Variants in COL19A1 observed in about 807,000 individuals in gnomAD.
The protein encoded by COL19A1 is collagen type XIX alpha 1 chain, also known as collagen alpha-1(XIX) chain.
In COL19A1, 159 loss-of-function variants were observed where a neutral mutation model predicts 190.2. The observed-to-expected ratio is 0.84, with a 90% CI of 0.73 to 0.95. The LOEUF is 0.95. Among genes scored for constraint, COL19A1 ranks in the 40% least tolerant of loss-of-function variants. The pLI, the probability that COL19A1 is intolerant of heterozygous loss-of-function variation, is 0.00. For missense variants in COL19A1, 1,418 were observed against 1,431.9 expected, an observed-to-expected ratio of 0.99 and a Z score of 0.16; for synonymous variants, 509 against 458.9, an observed-to-expected ratio of 1.11 and a Z score of -1.39.
At position 70,023,811 on chromosome 6, in the gene COL19A1, T is replaced by C. The variant is rs777929761; in HGVS notation, c.1080+131T>C. ...GATCCAACAAAATTAAGAATCATGG[T>C]GTTCTTTCACATGGCTCAGTAGAGG... On this transcript the variant is annotated intron_variant, in intron 12 of 50. Coordinates refer to ENST00000620364, the MANE Select transcript of COL19A1 (RefSeq NM_001858.6). The C allele has an allele frequency of 3.9e-4, 289 of 738,918 alleles. 1 individual carries two copies. Among genetic ancestry groups the C allele is most frequent in the South Asian group, 5.6e-4 (27 of 48,454 alleles). 45.8% of individuals were successfully genotyped at this position (738,918 alleles called of 1,614,324 possible).
chr6:69,949,408 G>A (rs990490845), intron 9 of COL19A1, among the ~76,000 whole-genome samples: 1 of 151,678 alleles, frequency 6.6e-6, no homozygotes, highest in African/African-American at 2.4e-5. Flanking sequence ...GTGTTTTCTC[G>A]CTTCTATAAT....
intron 11 of COL19A1, among the ~76,000 whole-genome samples, chr6:69,970,596 A>T (rs1482424574): frequency 6.6e-6 from 1 of 152,214 alleles, no homozygotes; most frequent in African/African-American, 2.4e-5. Flanking sequence ...AACTAATGCA[A>T]GTATGTTAAA....
At chr6:69,928,516 A>G (rs1001061630) in intron 5 of COL19A1, among the ~76,000 whole-genome samples, 1 of 152,192 alleles carries the variant, frequency 6.6e-6, no homozygotes, top group South Asian at 2.1e-4. Context: ...AAGAAAAGAG[A>G]TCTGAAAAAC....
At chr6:69,876,260 G>A (rs1459331456) in intron 1 of COL19A1, among the ~76,000 whole-genome samples, 1 of 152,206 alleles carries the variant, frequency 6.6e-6, no homozygotes, top group Non-Finnish European at 1.5e-5. Flanking sequence ...TAGAAGCTAA[G>A]TGGCTCAAGG....
At chr6:70,061,105 A>T (rs1028267338) in intron 14 of COL19A1, among the ~76,000 whole-genome samples, 3 of 152,142 alleles carry the variant, frequency 2.0e-5, no homozygotes, top group African/African-American at 7.2e-5. Context: ...GACTTTACTA[A>T]ACGGGAGGAA....
intron 14 of COL19A1, among the ~76,000 whole-genome samples, chr6:70,047,001 A>T (rs1340317476): frequency 6.6e-6 from 1 of 152,088 alleles, no homozygotes; most frequent in Non-Finnish European, 1.5e-5. Context: ...ATATCACCAA[A>T]TCACATTTTT....
In COL19A1 at chr6:70,156,175, A is replaced by G; in HGVS notation, c.2128A>G (p.Lys710Glu). ...CAGTGTCCCAGGGCTGAAAAGCAAC[A>G]AAGGAGAAGAAGGAGGTGCTGGTGA... ...QASVPGLKSN[K>E]GEEGGAGEPG... The change falls in exon 32 of 51, where the codon AAA (lysine) becomes GAA (glutamate). Residue 710 changes from lysine to glutamate, a missense_variant. Coordinates refer to ENST00000620364, the MANE Select transcript of COL19A1 (RefSeq NM_001858.6). 1 of 1,613,314 alleles carries G rather than the reference A, an allele frequency of 6.2e-7. No individual in the cohort carries two copies. Among genetic ancestry groups the G allele is most frequent in the Non-Finnish European group, 8.5e-7 (1 of 1,179,574 alleles).
At chr6:69,877,909 G>A (rs1768238982) in intron 1 of COL19A1, among the ~76,000 whole-genome samples, 3 of 152,012 alleles carry the variant, frequency 2.0e-5, no homozygotes, top group Non-Finnish European at 4.4e-5. Context: ...AGAGACTGAG[G>A]CAGGAGAATT....
chr6:70,098,231 G>C (rs1783405492), intron 15 of COL19A1, among the ~76,000 whole-genome samples: 1 of 152,138 alleles, frequency 6.6e-6, no homozygotes, highest in Admixed American at 6.6e-5. Context: ...CCTAGGAAGG[G>C]AGTTGTGGTT....
chr6:69,947,070 A>T (rs1773866132), intron 9 of COL19A1, among the ~76,000 whole-genome samples: 5 of 151,880 alleles, frequency 3.3e-5, no homozygotes. Context: ...CCTTTGTTGA[A>T]AAAGCTTGCT....
chr6:70,059,436 A>T lies in COL19A1; in HGVS notation c.1171-8987A>T, dbSNP rs79274094. Among the ~76,000 whole-genome samples, 1,377 of 152,250 alleles carry T rather than the reference A, an allele frequency of 9.0e-3. 15 individuals carry two copies. The highest frequency in any genetic ancestry group is 0.032 in the African/African-American group (1,315 of 41,570). ...ATCTGCTATATTTGTTAAACACTTCAAACTTCTGTTCTGAACCAGTTAATT... is the reference window on the plus strand; with the variant it reads ...ATCTGCTATATTTGTTAAACACTTCTAACTTCTGTTCTGAACCAGTTAATT... On this transcript the variant is annotated intron_variant, in intron 14 of 50. Transcript: ENST00000620364.
At chr6:70,186,667 C>T (rs1009039162) in intron 46 of COL19A1, among the ~76,000 whole-genome samples, 6 of 152,010 alleles carry the variant, frequency 3.9e-5, no homozygotes, top group African/African-American at 7.2e-5. Flanking sequence ...TGGAGTTATG[C>T]AACTGAATAT....
intron 14 of COL19A1, among the ~76,000 whole-genome samples, chr6:70,045,037 G>C (rs1160277140): frequency 6.6e-6 from 1 of 151,930 alleles, no homozygotes; most frequent in Non-Finnish European, 1.5e-5. Flanking sequence ...ATCTTTCCAG[G>C]CACGGTGGCT....
Position 70,098,669 on chromosome 6 carries a change from G to T in COL19A1, c.1225-3500G>T, listed in dbSNP as rs116680230. On this transcript the variant is annotated intron_variant, in intron 15 of 50. Transcript: ENST00000620364. ...ACTGCAACACTTTTCAAACGATGGC[G>T]TTCCCTTCAGTATCTTGCTTCTGTG... The T allele has an allele frequency of 2.6e-3, 780 of 294,948 alleles. 10 individuals carry two copies. Among genetic ancestry groups the T allele is most frequent in the African/African-American group, 0.016 (712 of 45,062 alleles). The allele number at this position is 294,948 out of a possible 1,614,324, so 18.3% of individuals were successfully genotyped here. A position where few individuals can be genotyped will look rare whatever the true frequency, so the allele number is the denominator to read the frequency against.
chr6:69,973,050 GA>G (rs1775520992), intron 11 of COL19A1, among the ~76,000 whole-genome samples: 2 of 152,156 alleles, frequency 1.3e-5, no homozygotes, highest in South Asian at 4.1e-4. Flanking sequence ...GGTCACATAA[GA>G]AAGAATAAAT....
chr6:69,976,383 G>A (rs1245936692), intron 11 of COL19A1, among the ~76,000 whole-genome samples: 1 of 152,122 alleles, frequency 6.6e-6, no homozygotes, highest in African/African-American at 2.4e-5. Context: ...GAATATATTT[G>A]TTTATTCAAT....
At chr6:69,889,269 A>G (rs9360407) in intron 2 of COL19A1, among the ~76,000 whole-genome samples, 21,876 of 152,254 alleles carry the variant, frequency 0.14, 2,059 homozygotes, top group East Asian at 0.35. Flanking sequence ...ACATGCAATA[A>G]TGATAATAAT....
intron 15 of COL19A1, chr6:70,098,348 A>T (rs1256641384): frequency 2.1e-6 from 1 of 465,494 alleles, no homozygotes; most frequent in African/African-American, 2.0e-5. Flanking sequence ...CTCCTTTTTT[A>T]AAAAACAGAA....
intron 5 of COL19A1, 69 bp from the exon 6 acceptor site, chr6:69,929,356 T>A: frequency 6.8e-7 from 1 of 1,478,614 alleles, no homozygotes; most frequent in African/African-American, 1.4e-5. Flanking sequence ...CTTGAGCTTT[T>A]CTTTGTGTGC....
Sources: allele counts gnomAD v4.1 joint callset (sites outside exome capture counted in the v4.1 genomes callset), GRCh38; gene constraint gnomAD v4.1.1; transcripts MANE v1.5; gene names NCBI Gene and HGNC (gene_info 2026-07-23, HGNC 2026-07-21).